ARHGAP42: variants seen among roughly 807,000 people sequenced by gnomAD.
ARHGAP42 encodes the protein rho GTPase-activating protein 42.
Under a neutral mutation model 125.0 loss-of-function variants are expected in ARHGAP42, and 63 were observed. The observed-to-expected ratio is 0.50, with a 90% CI of 0.41 to 0.62. The LOEUF is 0.62. Ranked by LOEUF, ARHGAP42 falls within the 20% of genes least tolerant of loss-of-function variation. The pLI is 0.00. For synonymous variants in ARHGAP42, 339 were observed against 351.0 expected (o/e 0.97, Z 0.38); for missense variants, 766 against 1,024.2 (o/e 0.75, Z 3.44).
rs1868084401 is a variant in ARHGAP42, at chr11:100,948,509, C to T, written c.1096C>T (p.Leu366Phe). Residue 366 changes from leucine (L) to phenylalanine (F), a missense_variant, in exon 11 of 24, where the codon CTT (leucine) becomes TTT (phenylalanine). By Grantham distance (22) the Leu-to-Phe change is conservative. Transcript: ENST00000298815. ...AFSEANRKLW[L>F]EAMDGKEPIY... Reference sequence around the variant, plus strand: ...CTCAGAAGCTAATAGGAAACTCTGGCTTGAAGCCATGGATGGGAAGGAACC... The same window carrying T: ...CTCAGAAGCTAATAGGAAACTCTGGTTTGAAGCCATGGATGGGAAGGAACC... The T allele has an allele frequency of 6.5e-7, 1 of 1,549,974 alleles. No homozygotes were observed. Among genetic ancestry groups the T allele is most frequent in the Non-Finnish European group, 8.7e-7 (1 of 1,145,930 alleles).
chr11:100,923,586 G>T (rs1320560522), intron 6 of ARHGAP42, among the ~76,000 whole-genome samples: 3 of 152,102 alleles, frequency 2.0e-5, no homozygotes, highest in Admixed American at 1.3e-4. Context: ...GTGGCAGAAG[G>T]AATGACAAGA....
At chr11:100,862,871 C>G (rs1865476293) in intron 4 of ARHGAP42, among the ~76,000 whole-genome samples, 1 of 151,600 alleles carries the variant, frequency 6.6e-6, no homozygotes, top group African/African-American at 2.4e-5. Context: ...GCATCCTCTA[C>G]TAAAAAAAAT....
At chr11:100,756,111 C>A (rs1456385447) in intron 1 of ARHGAP42, among the ~76,000 whole-genome samples, 4 of 149,596 alleles carry the variant, frequency 2.7e-5, no homozygotes, top group Non-Finnish European at 4.4e-5. Flanking sequence ...TTTGGCCAGG[C>A]ATGGTGGGTC....
chr11:100,773,787 A>G (rs758849427), intron 2 of ARHGAP42, among the ~76,000 whole-genome samples: 7 of 152,340 alleles, frequency 4.6e-5, no homozygotes, highest in Non-Finnish European at 1.0e-4. Flanking sequence ...TGAATTGATC[A>G]GTAGGTGAAG....
At chr11:100,915,034 C>G (rs1482208957) in intron 5 of ARHGAP42, among the ~76,000 whole-genome samples, 3 of 151,966 alleles carry the variant, frequency 2.0e-5, no homozygotes, top group African/African-American at 7.3e-5. Flanking sequence ...TATATGGCTT[C>G]ATCAGTGTGC....
At chr11:100,795,241 C>A in intron 3 of ARHGAP42, 75 bp downstream of exon 3, 1 of 1,149,806 alleles carries the variant, frequency 8.7e-7, no homozygotes, top group Non-Finnish European at 1.2e-6. Context: ...ACTTCCTGAA[C>A]TAGAGAACTT....
At chr11:100,965,818 T>G in intron 17 of ARHGAP42, 42 bp downstream of exon 17, 1 of 1,458,100 alleles carries the variant, frequency 6.9e-7, no homozygotes, top group Non-Finnish European at 9.4e-7. Flanking sequence ...TTATTGTTCA[T>G]TGTTAAGTTT....
intron 3 of ARHGAP42, among the ~76,000 whole-genome samples, chr11:100,814,752 T>G (rs1355837951): frequency 6.6e-6 from 1 of 152,192 alleles, no homozygotes; most frequent in Admixed American, 6.5e-5. Flanking sequence ...ACCAAAGAGA[T>G]AGTGCTAAGC....
intron 12 of ARHGAP42, among the ~76,000 whole-genome samples, chr11:100,950,577 G>A (rs1857626230): frequency 6.6e-6 from 1 of 151,510 alleles, no homozygotes; most frequent in South Asian, 2.1e-4. Context: ...TAAATCATTA[G>A]TTTGTAGCCA....
intron 17 of ARHGAP42, among the ~76,000 whole-genome samples, chr11:100,965,984 A>C (rs1565298378): frequency 1.3e-5 from 2 of 152,194 alleles, no homozygotes; most frequent in Non-Finnish European, 2.9e-5. Flanking sequence ...ATAATTATGC[A>C]AATAATTATA....
intron 4 of ARHGAP42, among the ~76,000 whole-genome samples, chr11:100,869,047 A>G (rs1865640104): frequency 6.6e-6 from 1 of 152,032 alleles, no homozygotes; most frequent in African/African-American, 2.4e-5. Flanking sequence ...ATTTTGTTTC[A>G]TGGTCACACT....
chr11:100,856,598 G>A lies in ARHGAP42; in HGVS notation c.313-2956G>A, dbSNP rs137945557. Reference sequence around the variant, plus strand: ...ACAAAAGTGATAACATTTTTCAGAGGTAGAGCCAGGCATTTGTTATAATGG... The same window carrying A: ...ACAAAAGTGATAACATTTTTCAGAGATAGAGCCAGGCATTTGTTATAATGG... On this transcript the variant is annotated intron_variant, in intron 3 of 23. Transcript: ENST00000298815. 6.1e-3 allele frequency among the ~76,000 whole-genome samples: 925 copies of A among 152,176 alleles called. 7 individuals carry two copies. The highest frequency in any genetic ancestry group is 0.021 in the African/African-American group (877 of 41,534).
At chr11:100,773,441 A>G (rs533988406) in intron 2 of ARHGAP42, among the ~76,000 whole-genome samples, 74 of 152,318 alleles carry the variant, frequency 4.9e-4, no homozygotes, top group Non-Finnish European at 7.1e-4. Context: ...CATCAGGTTC[A>G]TATACATGAA....
At chr11:100,832,165 A>C (rs1201456889) in intron 3 of ARHGAP42, among the ~76,000 whole-genome samples, 1 of 152,222 alleles carries the variant, frequency 6.6e-6, no homozygotes, top group Admixed American at 6.5e-5. Flanking sequence ...CCAGTTAGGC[A>C]CATGACTTTA....
chr11:100,940,407 C>T (rs750384780), intron 8 of ARHGAP42, among the ~76,000 whole-genome samples: 48 of 152,080 alleles, frequency 3.2e-4, no homozygotes, highest in Non-Finnish European at 5.9e-4. Flanking sequence ...GCTCCATTTT[C>T]GATCCACTCA....
chr11:100,707,936 C>T (rs1408023997), intron 1 of ARHGAP42, among the ~76,000 whole-genome samples: 1 of 152,154 alleles, frequency 6.6e-6, no homozygotes, highest in Non-Finnish European at 1.5e-5. Context: ...TGATAGTAGG[C>T]ATACAGCATA....
At chr11:100,768,113 C>A (rs555371531) in intron 1 of ARHGAP42, among the ~76,000 whole-genome samples, 1 of 152,046 alleles carries the variant, frequency 6.6e-6, no homozygotes, top group South Asian at 2.1e-4. Flanking sequence ...GGCATAGGAC[C>A]ACAATTATTC....
intron 3 of ARHGAP42, among the ~76,000 whole-genome samples, chr11:100,845,898 G>T (rs1054467554): frequency 6.6e-6 from 1 of 152,092 alleles, no homozygotes; most frequent in Admixed American, 6.6e-5. Context: ...TTGAGTTTTT[G>T]GCGGAGGCTA....
intron 4 of ARHGAP42, among the ~76,000 whole-genome samples, chr11:100,862,046 A>G (rs1344882008): frequency 2.0e-5 from 3 of 152,224 alleles, no homozygotes; most frequent in Non-Finnish European, 4.4e-5. Context: ...AGAACATGGT[A>G]TCCTAGCACA....
Sources: gnomAD v4.1 joint callset for allele counts (sites outside exome capture counted in the v4.1 genomes callset) on GRCh38, gnomAD v4.1.1 for gene constraint, MANE v1.5 for transcripts, NCBI Gene and HGNC (gene_info 2026-07-23, HGNC 2026-07-21) for gene names.